The following ATP6V1A variants were observed in gnomAD, a reference collection of about 807,000 sequenced individuals.
The protein encoded by ATP6V1A is V-type proton ATPase catalytic subunit A.
Under a neutral mutation model 70.1 loss-of-function variants are expected in ATP6V1A, and 18 were observed. The observed-to-expected ratio is 0.26, with a 90% CI of 0.18 to 0.38. The LOEUF (loss-of-function observed/expected upper bound fraction) is 0.38, where lower values mean the gene tolerates loss of function less well. ATP6V1A is among the 10% of genes least tolerant of loss of function. The pLI, the probability that ATP6V1A is intolerant of heterozygous loss-of-function variation, is 1.00. For synonymous variants in ATP6V1A, 232 were observed against 253.8 expected, an observed-to-expected ratio of 0.91 and a Z score of 0.82; for missense variants, 424 against 772.4, an observed-to-expected ratio of 0.55 and a Z score of 5.35.
chr3:113,784,735 G>C lies in ATP6V1A; in HGVS notation c.466G>C (p.Val156Leu). The C allele has an allele frequency of 6.2e-7, 1 of 1,614,104 alleles. No homozygotes were observed. Among genetic ancestry groups the C allele is most frequent in the Non-Finnish European group, 8.5e-7 (1 of 1,179,994 alleles). Residue 156 changes from valine (V) to leucine (L), a missense_variant, in exon 5 of 15, where the codon GTC becomes CTC. Val to Leu is a conservative substitution (Grantham distance 32). This residue lies in a region of ATP6V1A where 139 missense variants were observed against 163.5 expected (regional missense o/e 0.85). Transcript: ENST00000273398. ...HITGGDIYGIVSENSLIKHKI... is the reference protein window; with the variant it reads ...HITGGDIYGILSENSLIKHKI... ...CACTGGCGGAGACATTTATGGAATT[G>C]TCAGTGAGAACTCGCTTATCAAACA...
chr3:113,769,235 C>T (rs78754142), intron 1 of ATP6V1A, among the ~76,000 whole-genome samples: 4,205 of 152,212 alleles, frequency 0.028, 207 homozygotes, highest in African/African-American at 0.096. Flanking sequence ...TGGAATTCCA[C>T]CTGTTCTATA....
chr3:113,754,075 C>A (rs2108007036), intron 1 of ATP6V1A, among the ~76,000 whole-genome samples: 1 of 152,228 alleles, frequency 6.6e-6, no homozygotes, highest in East Asian at 1.9e-4. Context: ...GACAGAATAT[C>A]CATAGTAACA....
chr3:113,767,771 T>C (rs1345383496), intron 1 of ATP6V1A, among the ~76,000 whole-genome samples: 2 of 152,016 alleles, frequency 1.3e-5, no homozygotes, highest in Non-Finnish European at 2.9e-5. Context: ...CTGCCTCAGC[T>C]TCCCTAGTAG....
chr3:113,778,393 C>CA (rs1370803723), intron 1 of ATP6V1A, among the ~76,000 whole-genome samples: 2 of 151,200 alleles, frequency 1.3e-5, no homozygotes, highest in Non-Finnish European at 2.9e-5. Flanking sequence ...GACTCTGTCT[C>CA]AAAAAAACAA....
intron 8 of ATP6V1A, among the ~76,000 whole-genome samples, chr3:113,793,851 G>C (rs973987640): frequency 6.6e-6 from 1 of 151,684 alleles, no homozygotes; most frequent in African/African-American, 2.4e-5. Context: ...AAAAACCAAG[G>C]CATTATAAAA....
In ATP6V1A at chr3:113,795,131, T is replaced by C; in HGVS notation, c.1153T>C (p.Phe385Leu). 6.2e-7 allele frequency: 1 copy of C among 1,614,150 alleles called. No individual in the cohort carries two copies. The highest frequency in any genetic ancestry group is 8.5e-7 in the Non-Finnish European group (1 of 1,180,014). Residue 385 changes from phenylalanine to leucine, a missense_variant, in exon 10 of 15, where the codon TTT becomes CTT. By Grantham distance (22) the Phe-to-Leu change is conservative. Transcript: ENST00000273398. ...PAYLGARLAS[F>L]YERAGRVKCL... ...CTATCTTGGTGCCCGTCTGGCCTCG[T>C]TTTATGAACGAGCAGGCAGGGTGAA... is the stretch of plus-strand genomic sequence containing the variant.
intron 1 of ATP6V1A, among the ~76,000 whole-genome samples, chr3:113,763,005 A>G (rs1409934710): frequency 1.3e-5 from 2 of 152,196 alleles, no homozygotes; most frequent in African/African-American, 4.8e-5. Flanking sequence ...CTAGAAAATA[A>G]TAAACCCAAA....
chr3:113,755,669 T>C (rs1326083612), intron 1 of ATP6V1A, among the ~76,000 whole-genome samples: 10 of 152,206 alleles, frequency 6.6e-5, no homozygotes, highest in Admixed American at 6.5e-4. Context: ...TATAATAGTT[T>C]TACTTGGCTC....
chr3:113,749,576 C>A (rs1056816538), intron 1 of ATP6V1A, among the ~76,000 whole-genome samples: 13 of 152,072 alleles, frequency 8.5e-5, no homozygotes, highest in African/African-American at 2.2e-4. Context: ...TACTACTAAT[C>A]ATCATCATCA....
intron 6 of ATP6V1A, 135 bp downstream of exon 6, chr3:113,786,518 A>G: frequency 1.1e-6 from 1 of 907,484 alleles, no homozygotes; most frequent in Non-Finnish European, 1.5e-6. Flanking sequence ...TGGTGAATTA[A>G]ATATTTTTAT....
At chr3:113,772,404 T>C (rs1024779674) in intron 1 of ATP6V1A, among the ~76,000 whole-genome samples, 1 of 152,208 alleles carries the variant, frequency 6.6e-6, no homozygotes, top group African/African-American at 2.4e-5. Flanking sequence ...TCCATGTTGC[T>C]GTAGCAGATT....
Position 113,803,773 on chromosome 3 carries a change from G to A in ATP6V1A, c.1589+96G>A, listed in dbSNP as rs1709246836. 5.9e-6 allele frequency: 5 copies of A among 846,084 alleles called. No homozygotes were observed. In the South Asian group the frequency reaches 8.6e-5, roughly 15 times the overall value. 52.4% of individuals were successfully genotyped at this position (846,084 alleles called of 1,614,324 possible). A position where few individuals can be genotyped will look rare whatever the true frequency, so the allele number is the denominator to read the frequency against. On this transcript the variant is annotated intron_variant, in intron 13 of 14. Coordinates refer to ENST00000273398, the MANE Select transcript of ATP6V1A (RefSeq NM_001690.4). ...AAAACCCTTTTTTATTCTCATACAG[G>A]CTCATACACTCTGACTTAGTAGATT...
At chr3:113,773,552 TC>T (rs1386667264) in intron 1 of ATP6V1A, among the ~76,000 whole-genome samples, 1 of 152,226 alleles carries the variant, frequency 6.6e-6, no homozygotes, top group Non-Finnish European at 1.5e-5. Context: ...CCATTTGGTT[TC>T]CGCTAATCAT....
intron 6 of ATP6V1A, among the ~76,000 whole-genome samples, chr3:113,788,343 AT>A (rs1191671250): frequency 6.8e-6 from 1 of 146,444 alleles, no homozygotes. Context: ...ATTTATTTTT[AT>A]TTTTTTTGAG....
At chr3:113,751,694 C>G (rs922982157) in intron 1 of ATP6V1A, among the ~76,000 whole-genome samples, 1 of 150,478 alleles carries the variant, frequency 6.6e-6, no homozygotes, top group Non-Finnish European at 1.5e-5. Flanking sequence ...TATGTATATA[C>G]TATATATAGA....
intron 1 of ATP6V1A, among the ~76,000 whole-genome samples, chr3:113,754,706 T>C (rs1369458487): frequency 6.6e-6 from 1 of 152,212 alleles, no homozygotes; most frequent in Non-Finnish European, 1.5e-5. Context: ...GTCACCTGAC[T>C]TAATCATATG....
intron 14 of ATP6V1A, among the ~76,000 whole-genome samples, chr3:113,806,389 G>C (rs1709276564): frequency 6.6e-6 from 1 of 152,048 alleles, no homozygotes; most frequent in South Asian, 2.1e-4. Flanking sequence ...TTAACCTCTA[G>C]CACATGTGTT....
At chr3:113,753,498 T>A (rs1334799210) in intron 1 of ATP6V1A, among the ~76,000 whole-genome samples, 1 of 152,128 alleles carries the variant, frequency 6.6e-6, no homozygotes, top group Non-Finnish European at 1.5e-5. Context: ...GCTGCAACAG[T>A]GTTTCAATTT....
At chr3:113,798,000 G>A (rs142136419) in intron 11 of ATP6V1A, among the ~76,000 whole-genome samples, 459 of 152,142 alleles carry the variant, frequency 3.0e-3, no homozygotes, top group African/African-American at 0.011. Flanking sequence ...GGGCCTGATG[G>A]CGCATGCTTG....
Sources: allele counts gnomAD v4.1 joint callset (sites outside exome capture counted in the v4.1 genomes callset), GRCh38; gene constraint gnomAD v4.1.1; regional missense constraint gnomAD v4.1.1; transcripts MANE v1.5; gene names NCBI Gene and HGNC (gene_info 2026-07-23, HGNC 2026-07-21).